Variants in RARB observed in about 807,000 individuals in gnomAD.
RARB encodes the protein retinoic acid receptor beta.
In RARB, 17 loss-of-function variants were observed where a neutral mutation model predicts 51.9. The ratio of observed to expected loss-of-function variants is 0.33; its 90% CI spans 0.22 to 0.49. The LOEUF (loss-of-function observed/expected upper bound fraction) is 0.49, where lower values mean the gene tolerates loss of function less well. Among genes scored for constraint, RARB ranks in the 20% least tolerant of loss-of-function variants. The probability of loss-of-function intolerance (pLI) is 0.99; values close to 1 mark genes in which losing one functional copy is unlikely to be tolerated. For synonymous variants in RARB, 215 were observed against 195.4 expected, an observed-to-expected ratio of 1.10 and a Z score of -0.84; for missense variants, 369 against 550.8, an observed-to-expected ratio of 0.67 and a Z score of 3.30.
chr3:24,910,734 A>AT (rs1202014974), intron 2 of RARB, among the ~76,000 whole-genome samples: 1 of 152,148 alleles, frequency 6.6e-6, no homozygotes. Flanking sequence ...GGGAGTCTTC[A>AT]TTATAGTCAA....
At chr3:24,895,627 T>TC (rs34333523) in intron 2 of RARB, among the ~76,000 whole-genome samples, 1 of 138,954 alleles carries the variant, frequency 7.2e-6, no homozygotes, top group Non-Finnish European at 1.5e-5. Context: ...TTTTTTTTTT[T>TC]CCTTGAGAAG....
intron 1 of RARB, among the ~76,000 whole-genome samples, chr3:24,856,778 C>G (rs1469712800): frequency 1.3e-5 from 2 of 152,126 alleles, no homozygotes; most frequent in Non-Finnish European, 2.9e-5. Context: ...CTTAATTTCC[C>G]CTCTGTGAGT....
At chr3:24,968,037 G>T (rs1696315638) in intron 2 of RARB, among the ~76,000 whole-genome samples, 1 of 152,168 alleles carries the variant, frequency 6.6e-6, no homozygotes. Context: ...GAGCTTTGGT[G>T]TCTTTTTTGT....
chr3:25,168,379 C>T (rs373480888), intron 4 of RARB, among the ~76,000 whole-genome samples: 1 of 152,162 alleles, frequency 6.6e-6, no homozygotes, highest in East Asian at 1.9e-4. Flanking sequence ...CAGGTGCCAC[C>T]ATGCCCGGCT....
intron 3 of RARB, among the ~76,000 whole-genome samples, chr3:25,091,182 A>T (rs1159799694): frequency 1.3e-5 from 2 of 152,176 alleles, no homozygotes; most frequent in Non-Finnish European, 2.9e-5. Context: ...CAACTGCAAT[A>T]AAGAGATCTG....
intron 3 of RARB, among the ~76,000 whole-genome samples, chr3:25,510,690 C>G (rs568428868): frequency 2.6e-5 from 4 of 152,244 alleles, no homozygotes; most frequent in African/African-American, 9.6e-5. Context: ...CAGTATTTCC[C>G]TAAGTGTAAA....
intron 1 of RARB, among the ~76,000 whole-genome samples, chr3:24,839,719 AGGG>A (rs58994202): frequency 0.21 from 8,864 of 41,366 alleles, 534 homozygotes; most frequent in African/African-American, 0.38. Flanking sequence ...AAAAAAAAAA[AGGG>A]GGGGGGGGTG....
chr3:25,140,372 A>T (rs539114618), intron 4 of RARB, among the ~76,000 whole-genome samples: 1 of 152,288 alleles, frequency 6.6e-6, no homozygotes, highest in South Asian at 2.1e-4. Flanking sequence ...TCCAGCCCTC[A>T]TGGATGAGTT....
intron 1 of RARB, among the ~76,000 whole-genome samples, chr3:25,455,888 G>A (rs1263427862): frequency 3.3e-5 from 5 of 152,184 alleles, no homozygotes; most frequent in African/African-American, 1.2e-4. Context: ...AATAAAAGCA[G>A]GAGACAAAAA....
At chr3:25,172,271 C>T (rs1047298398) in intron 4 of RARB, among the ~76,000 whole-genome samples, 2 of 152,040 alleles carry the variant, frequency 1.3e-5, no homozygotes, top group Admixed American at 6.6e-5. Context: ...GCATAACAGG[C>T]GTTCAAAATA....
chr3:25,337,193 C>A (rs1455708285), intron 5 of RARB, among the ~76,000 whole-genome samples: 1 of 152,062 alleles, frequency 6.6e-6, no homozygotes, highest in African/African-American at 2.4e-5. Context: ...CTATTACCAC[C>A]ATCCTTTTTC....
chr3:25,421,414 T>TC (rs1203554359), intron 5 of RARB, among the ~76,000 whole-genome samples: 11 of 136,988 alleles, frequency 8.0e-5, no homozygotes, highest in South Asian at 2.6e-4. Flanking sequence ...TTTTTTTTTT[T>TC]TTTTTTTTTT....
intron 5 of RARB, among the ~76,000 whole-genome samples, chr3:25,368,174 C>A (rs1706187636): frequency 6.6e-6 from 1 of 151,960 alleles, no homozygotes; most frequent in African/African-American, 2.4e-5. Context: ...TTTTTAATGT[C>A]CTTTCTTGGC....
intron 3 of RARB, among the ~76,000 whole-genome samples, chr3:25,564,317 C>A (rs1024543827): frequency 6.6e-6 from 1 of 152,116 alleles, no homozygotes; most frequent in Non-Finnish European, 1.5e-5. Flanking sequence ...GCACTTAGCC[C>A]CTCACAAGGA....
intron 2 of RARB, among the ~76,000 whole-genome samples, chr3:25,469,164 G>C (rs1352771195): frequency 6.6e-6 from 1 of 152,226 alleles, no homozygotes; most frequent in Non-Finnish European, 1.5e-5. Flanking sequence ...GCGTTCGGCT[G>C]CTGGGCTGGG....
intron 5 of RARB, among the ~76,000 whole-genome samples, chr3:25,328,784 C>T (rs1704802672): frequency 6.6e-6 from 1 of 152,176 alleles, no homozygotes; most frequent in African/African-American, 2.4e-5. Context: ...CCAAGGGAAG[C>T]TGTGACAGAT....
intron 2 of RARB, among the ~76,000 whole-genome samples, chr3:24,916,200 C>T (rs925157726): frequency 1.3e-5 from 2 of 152,220 alleles, no homozygotes; most frequent in East Asian, 3.9e-4. Flanking sequence ...AGCTAGAGCC[C>T]TCTTTATGAT....
chr3:25,530,707 A>G (rs368026233), intron 3 of RARB, among the ~76,000 whole-genome samples: 17 of 152,340 alleles, frequency 1.1e-4, no homozygotes, highest in Middle Eastern at 3.4e-3. Context: ...TTTTAGGATC[A>G]GCTGATTAGT....
chr3:25,374,787 A>C (rs1019401868), intron 5 of RARB, among the ~76,000 whole-genome samples: 1 of 152,162 alleles, frequency 6.6e-6, no homozygotes, highest in Non-Finnish European at 1.5e-5. Context: ...TCTTCTTTTC[A>C]GAATGTACAA....
Sources: allele counts gnomAD v4.1 joint callset (sites outside exome capture counted in the v4.1 genomes callset), GRCh38; gene constraint gnomAD v4.1.1; transcripts MANE v1.5; gene names NCBI Gene and HGNC (gene_info 2026-07-23, HGNC 2026-07-21).